Variants in MLPH observed in about 807,000 individuals in gnomAD.
MLPH encodes exophilin-3.
Under a neutral mutation model 72.1 loss-of-function variants are expected in MLPH, and 51 were observed. The observed-to-expected ratio is 0.71, with a 90% CI of 0.56 to 0.89. MLPH has a LOEUF of 0.89. MLPH is among the 40% of genes least tolerant of loss of function. The pLI is 0.00. For synonymous variants in MLPH, 301 were observed against 310.1 expected, an observed-to-expected ratio of 0.97 and a Z score of 0.31; for missense variants, 743 against 759.9, an observed-to-expected ratio of 0.98 and a Z score of 0.26.
chr2:237,494,499 A>G (rs560979317), intron 2 of MLPH, among the ~76,000 whole-genome samples: 1 of 152,196 alleles, frequency 6.6e-6, no homozygotes, highest in Non-Finnish European at 1.5e-5. Flanking sequence ...CGAGCAGAGC[A>G]ACAGCAAGTC....
At position 237,527,423 on chromosome 2, in the gene MLPH, C is replaced by T. The variant is rs776603157; in HGVS notation, c.927C>T (p.Ala309=). The part of the protein sequence containing the change: ...RNEQLPLQYL[A]DVDTSDEESI... ...AGCAGCTGCCCCTGCAGTACTTGGC[C>T]GATGTGGACACCTCTGATGAGGAAA... The change falls in exon 8 of 16, where the codon GCC becomes GCT. Residue 309 remains alanine (A), a synonymous_variant. Transcript: ENST00000264605. The T allele has an allele frequency of 2.5e-6, 4 of 1,614,038 alleles. No individual in the cohort carries two copies. The highest frequency in any genetic ancestry group is 1.1e-5 in the South Asian group (1 of 91,076).
At chr2:237,538,620 G>C (rs1447381304) in intron 9 of MLPH, among the ~76,000 whole-genome samples, 2 of 152,212 alleles carry the variant, frequency 1.3e-5, no homozygotes, top group Non-Finnish European at 2.9e-5. Flanking sequence ...CTGTCTGCCT[G>C]GTGTTCAGCT....
At chr2:237,509,911 T>C (rs546774352) in intron 2 of MLPH, among the ~76,000 whole-genome samples, 1 of 152,326 alleles carries the variant, frequency 6.6e-6, no homozygotes, top group East Asian at 1.9e-4. Flanking sequence ...TTTTATCTCA[T>C]CTGAAACTGA....
intron 12 of MLPH, chr2:237,546,258 G>C (rs73999104): frequency 0.022 from 7,956 of 363,350 alleles, 569 homozygotes; most frequent in African/African-American, 0.15. Context: ...AGCTATGCAG[G>C]TGAGCCTCAG....
chr2:237,487,813 G>T (rs1221475174), intron 1 of MLPH, among the ~76,000 whole-genome samples: 2 of 152,256 alleles, frequency 1.3e-5, no homozygotes, highest in Non-Finnish European at 2.9e-5. Context: ...CCAGGGGAAA[G>T]GTTTCCTCCC....
intron 8 of MLPH, among the ~76,000 whole-genome samples, chr2:237,529,748 G>C (rs952485692): frequency 1.1e-4 from 16 of 152,206 alleles, no homozygotes; most frequent in African/African-American, 3.9e-4. Flanking sequence ...ATGGAGACCG[G>C]AACCGCAGTT....
Position 237,553,702 on chromosome 2 carries a change from G to A in MLPH, c.*110G>A. 3.4e-6 allele frequency: 5 copies of A among 1,485,670 alleles called. No individual in the cohort carries two copies. Among genetic ancestry groups the A allele is most frequent in the Non-Finnish European group, 4.7e-6 (5 of 1,063,152 alleles). The allele number at this position is 1,485,670 out of a possible 1,614,324, so 92.0% of individuals were successfully genotyped here. A position where few individuals can be genotyped will look rare whatever the true frequency, so the allele number is the denominator to read the frequency against. ...CACTATACACAGTCACCGTCCCAAT[G>A]AGAAACAAGAAGGAGCACCCTCCAC... On this transcript the variant is annotated 3_prime_UTR_variant, in exon 16 of 16. Transcript: ENST00000264605.
At chr2:237,542,216 G>C (rs2080704764) in intron 11 of MLPH, among the ~76,000 whole-genome samples, 1 of 152,080 alleles carries the variant, frequency 6.6e-6, no homozygotes, top group Admixed American at 6.5e-5. Context: ...CAGTGGGAGT[G>C]GCCGACTGCT....
chr2:237,533,764 G>A (rs879471062), intron 8 of MLPH, among the ~76,000 whole-genome samples: 5 of 152,262 alleles, frequency 3.3e-5, no homozygotes, highest in East Asian at 3.8e-4. Context: ...ACTAGTGGCC[G>A]CTCAAGGCGT....
chr2:237,514,780 T>A (rs2079979076), intron 4 of MLPH, among the ~76,000 whole-genome samples: 1 of 152,144 alleles, frequency 6.6e-6, no homozygotes. Flanking sequence ...AGAGAAAGAT[T>A]TAAGTAAAAA....
At chr2:237,519,017 T>C (rs1416013823) in intron 5 of MLPH, among the ~76,000 whole-genome samples, 1 of 152,160 alleles carries the variant, frequency 6.6e-6, no homozygotes, top group Non-Finnish European at 1.5e-5. Context: ...TTTGCAACTT[T>C]CAGAGAAGTG....
intron 4 of MLPH, among the ~76,000 whole-genome samples, chr2:237,517,358 G>C (rs1442697517): frequency 6.6e-6 from 1 of 151,874 alleles, no homozygotes. Context: ...CGGATAGATA[G>C]GTAGGTGGAT....
rs986665013 is a variant in MLPH at position 237,505,427 on chromosome 2, C to T, written c.111-5147C>T. ...TCACAGGGATGTGGATTCCCCACCA[C>T]CCCAGCACCCAACGCAAGTGGAGGC... On this transcript the variant is annotated intron_variant, in intron 2 of 15. Coordinates refer to ENST00000264605, the MANE Select transcript of MLPH (RefSeq NM_024101.7). This position sits in a 1 kb window ranked among gnomAD's most constrained non-coding sequence, Gnocchi z 4.5. Among the ~76,000 whole-genome samples, 3 of 152,200 alleles carry T rather than the reference C, an allele frequency of 2.0e-5. No individual in the cohort carries two copies. Among genetic ancestry groups the T allele is most frequent in the Admixed American group, 6.5e-5 (1 of 15,284 alleles).
intron 8 of MLPH, among the ~76,000 whole-genome samples, chr2:237,533,641 G>A (rs2080471298): frequency 1.3e-5 from 2 of 152,222 alleles, no homozygotes. Flanking sequence ...ATCTGCCTGA[G>A]TCCCCAAGCC....
intron 14 of MLPH, among the ~76,000 whole-genome samples, chr2:237,549,772 C>G (rs1331024319): frequency 6.6e-6 from 1 of 152,140 alleles, no homozygotes; most frequent in Non-Finnish European, 1.5e-5. Context: ...GTAGCTCCTC[C>G]CCCCATTCAG....
chr2:237,546,833 G>A (rs113208548), intron 13 of MLPH, 150 bp downstream of exon 13: 34 of 738,520 alleles, frequency 4.6e-5, no homozygotes, highest in South Asian at 4.3e-4. Flanking sequence ...CCACAACACC[G>A]TGGCAACTCT....
intron 2 of MLPH, among the ~76,000 whole-genome samples, chr2:237,495,743 C>T (rs751157019): frequency 5.3e-5 from 8 of 152,282 alleles, no homozygotes; most frequent in Admixed American, 4.6e-4. Flanking sequence ...CCACCGGCCT[C>T]GGGGGAGGGC....
chr2:237,509,640 G>C (rs1020370788), intron 2 of MLPH, among the ~76,000 whole-genome samples: 2 of 152,116 alleles, frequency 1.3e-5, no homozygotes, highest in African/African-American at 4.8e-5. Context: ...TTTTTCTCTT[G>C]GTTTTTGAAG....
upstream of MLPH, chr2:237,486,620 C>G (rs972071747): frequency 4.6e-5 from 7 of 152,264 alleles, no homozygotes; most frequent in East Asian, 9.7e-4. Flanking sequence ...CACATCTGCC[C>G]CATTTGCCCG....
Sources: allele counts gnomAD v4.1 joint callset (sites outside exome capture counted in the v4.1 genomes callset), GRCh38; gene constraint gnomAD v4.1.1; non-coding constraint Gnocchi (gnomAD v3.1); transcripts MANE v1.5; gene names NCBI Gene and HGNC (gene_info 2026-07-23, HGNC 2026-07-21).